CALN1: variants seen among roughly 807,000 people sequenced by gnomAD.
CALN1 encodes calcium-binding protein 8.
In CALN1, 17 loss-of-function variants were observed where a neutral mutation model predicts 30.6. The observed-to-expected ratio is 0.56, with a 90% CI of 0.38 to 0.83. The LOEUF (loss-of-function observed/expected upper bound fraction) is 0.83. CALN1 is among the 40% of genes least tolerant of loss of function. The pLI is 0.00. For missense variants in CALN1, 291 were observed against 354.9 expected, an observed-to-expected ratio of 0.82 and a Z score of 1.45; for synonymous variants, 156 against 131.4, an observed-to-expected ratio of 1.19 and a Z score of -1.28.
intron 1 of CALN1, among the ~76,000 whole-genome samples, chr7:72,436,659 G>A (rs896084863): frequency 6.6e-6 from 1 of 151,972 alleles, no homozygotes; most frequent in Non-Finnish European, 1.5e-5. Context: ...TTGCTTCTAG[G>A]GGCCCCAGTC....
intron 3 of CALN1, among the ~76,000 whole-genome samples, chr7:72,220,123 G>A (rs988599834): frequency 1.3e-5 from 2 of 151,212 alleles, no homozygotes; most frequent in Non-Finnish European, 2.9e-5. Flanking sequence ...CATGTGCCAT[G>A]CTGGTGTGCT....
intron 2 of CALN1, among the ~76,000 whole-genome samples, chr7:72,320,521 T>C (rs1009113997): frequency 2.0e-5 from 3 of 151,988 alleles, no homozygotes; most frequent in Admixed American, 2.0e-4. Flanking sequence ...TGCAGACACT[T>C]GTACAAGTTG....
At chr7:72,465,118 T>C in the CALN1 span, among the ~76,000 whole-genome samples, 3 of 151,998 alleles carry the variant, frequency 2.0e-5, no homozygotes, top group Non-Finnish European at 4.4e-5. Flanking sequence ...CTCTCTCTGC[T>C]CTCTCCAGAA....
chr7:71,816,788 T>A (rs188017149), intron 5 of CALN1, among the ~76,000 whole-genome samples: 1 of 152,126 alleles, frequency 6.6e-6, no homozygotes, highest in Admixed American at 6.5e-5. Flanking sequence ...ACCAACATGG[T>A]GAAACCCTGT....
At chr7:72,280,293 C>G (rs1028239524) in intron 2 of CALN1, among the ~76,000 whole-genome samples, 3 of 152,330 alleles carry the variant, frequency 2.0e-5, no homozygotes, top group Non-Finnish European at 2.9e-5. Flanking sequence ...ATGGCTGAGG[C>G]AAGAGCCAAC....
intron 5 of CALN1, among the ~76,000 whole-genome samples, chr7:71,846,836 T>C (rs1790271134): frequency 3.2e-5 from 1 of 31,000 alleles, no homozygotes; most frequent in Non-Finnish European, 4.9e-5. Context: ...TGTATATACA[T>C]GTGTATATAT....
chr7:72,393,413 G>C (rs916757546), intron 2 of CALN1, among the ~76,000 whole-genome samples: 1 of 152,136 alleles, frequency 6.6e-6, no homozygotes, highest in Non-Finnish European at 1.5e-5. Flanking sequence ...GCAGTGAGCC[G>C]AGATCGCGCC....
chr7:71,932,298 C>T (rs1795595189), intron 5 of CALN1, among the ~76,000 whole-genome samples: 1 of 152,134 alleles, frequency 6.6e-6, no homozygotes, highest in Non-Finnish European at 1.5e-5. Flanking sequence ...ACCTTAACCT[C>T]CTGAGTAGCT....
chr7:72,110,622 C>T (rs375972667), intron 3 of CALN1, among the ~76,000 whole-genome samples: 1 of 149,906 alleles, frequency 6.7e-6, no homozygotes, highest in African/African-American at 2.5e-5. Flanking sequence ...GTGTGTGTGT[C>T]TGTCTGTCTG....
upstream of CALN1, among the ~76,000 whole-genome samples, chr7:72,448,603 CTTGCGTGATCTTT>C (rs1356464564): frequency 6.6e-6 from 1 of 151,746 alleles, no homozygotes; most frequent in Admixed American, 6.6e-5. Context: ...ATGGTGGCAC[CTTGCGTGATCTTT>C]TTTTTTTTTG....
chr7:72,472,603 G>A, the CALN1 span, among the ~76,000 whole-genome samples: 4 of 146,336 alleles, frequency 2.7e-5, no homozygotes, highest in Admixed American at 1.3e-4. Flanking sequence ...TGACCAACAC[G>A]GTGAACCCGT....
intron 5 of CALN1, among the ~76,000 whole-genome samples, chr7:71,947,928 C>G (rs1796487975): frequency 9.8e-6 from 1 of 101,874 alleles, no homozygotes; most frequent in African/African-American, 4.0e-5. Context: ...GAGCAAGACT[C>G]CGTCTCAAAA....
chr7:71,951,286 C>T (rs901642829), intron 5 of CALN1, among the ~76,000 whole-genome samples: 13 of 152,192 alleles, frequency 8.5e-5, no homozygotes, highest in African/African-American at 2.9e-4. Flanking sequence ...AATGCTTTTA[C>T]TTACAGTAAA....
At chr7:72,281,102 C>T (rs1189373183) in intron 2 of CALN1, among the ~76,000 whole-genome samples, 1 of 151,912 alleles carries the variant, frequency 6.6e-6, no homozygotes, top group Non-Finnish European at 1.5e-5. Context: ...TGAAACCATG[C>T]CATTGCTCTC....
At chr7:71,986,406 AC>A (rs907790499) in intron 5 of CALN1, among the ~76,000 whole-genome samples, 1 of 152,148 alleles carries the variant, frequency 6.6e-6, no homozygotes, top group Non-Finnish European at 1.5e-5. Context: ...AAAAATATAA[AC>A]CCAGCTCATT....
chr7:72,240,126 G>A (rs1336178060), intron 3 of CALN1, among the ~76,000 whole-genome samples: 1 of 152,066 alleles, frequency 6.6e-6, no homozygotes, highest in Non-Finnish European at 1.5e-5. Context: ...AGGAGTGTGG[G>A]GGCTACTTTG....
intron 5 of CALN1, among the ~76,000 whole-genome samples, chr7:71,994,989 A>AC (rs1799175564): frequency 6.6e-6 from 1 of 151,786 alleles, no homozygotes; most frequent in Non-Finnish European, 1.5e-5. Flanking sequence ...AGTAGCTGGG[A>AC]CTACAGGCGC....
At chr7:71,845,453 C>A (rs1343912737) in intron 5 of CALN1, among the ~76,000 whole-genome samples, 1 of 152,202 alleles carries the variant, frequency 6.6e-6, no homozygotes, top group Non-Finnish European at 1.5e-5. Flanking sequence ...GGCTCTAAGG[C>A]CAACAGCTCC....
chr7:72,436,182 C>T (rs995544401), intron 1 of CALN1, among the ~76,000 whole-genome samples: 6 of 152,212 alleles, frequency 3.9e-5, no homozygotes, highest in Non-Finnish European at 5.9e-5. Context: ...TTGGCTGTGT[C>T]CCCACCCAAG....
Sources: gnomAD v4.1 joint callset for allele counts (sites outside exome capture counted in the v4.1 genomes callset) on GRCh38, gnomAD v4.1.1 for gene constraint, MANE v1.5 for transcripts, NCBI Gene and HGNC (gene_info 2026-07-23, HGNC 2026-07-21) for gene names.